Variants in TEK observed in about 807,000 individuals in gnomAD.
TEK encodes the protein TEK receptor tyrosine kinase, also known as angiopoietin-1 receptor.
A neutral mutation model predicts 131.8 loss-of-function variants in TEK; 43 were observed. The ratio of observed to expected loss-of-function variants is 0.33; its 90% CI spans 0.26 to 0.42. The LOEUF is 0.42. TEK is among the 10% of genes least tolerant of loss of function. The pLI is 1.00. For missense variants in TEK, 1,162 were observed against 1,384.4 expected (o/e 0.84, Z 2.55); for synonymous variants, 580 against 491.6 (o/e 1.18, Z -2.38).
chr9:27,117,854 C>T (rs911041173), intron 1 of TEK, among the ~76,000 whole-genome samples: 2 of 152,170 alleles, frequency 1.3e-5, no homozygotes, highest in African/African-American at 2.4e-5. Context: ...TCAGCTTTCC[C>T]GCTTTTGTTA....
chr9:27,182,873 T>A (rs1824441086), intron 7 of TEK, among the ~76,000 whole-genome samples: 1 of 152,216 alleles, frequency 6.6e-6, no homozygotes, highest in African/African-American at 2.4e-5. Context: ...GGATACTGAT[T>A]TGGGGAAGTT....
intron 12 of TEK, 69 bp from the exon 13 acceptor site, chr9:27,202,751 C>G: frequency 6.6e-7 from 1 of 1,525,768 alleles, no homozygotes; most frequent in Non-Finnish European, 9.1e-7. Context: ...TGAACTCTAT[C>G]TCAAAAGCAT....
At chr9:27,167,191 G>C (rs988845369) in intron 2 of TEK, among the ~76,000 whole-genome samples, 2 of 152,112 alleles carry the variant, frequency 1.3e-5, no homozygotes, top group Non-Finnish European at 1.5e-5. Flanking sequence ...TGGCAAGCTT[G>C]ACACAGTAAC....
intron 6 of TEK, among the ~76,000 whole-genome samples, chr9:27,178,360 T>C (rs148272237): frequency 3.3e-5 from 5 of 152,250 alleles, no homozygotes; most frequent in Non-Finnish European, 7.4e-5. Context: ...TTTATTACTA[T>C]AGCTTTGTAA....
At chr9:27,202,301 C>G (rs1380988611) in intron 12 of TEK, among the ~76,000 whole-genome samples, 1 of 152,174 alleles carries the variant, frequency 6.6e-6, no homozygotes. Context: ...CAAGGACTGA[C>G]CACATGACAC....
At chr9:27,154,433 G>T (rs75884841) in intron 1 of TEK, among the ~76,000 whole-genome samples, 2 of 151,994 alleles carry the variant, frequency 1.3e-5, no homozygotes, top group African/African-American at 4.8e-5. Flanking sequence ...TTTTTTTTAC[G>T]TTTAATTTTT....
At chr9:27,139,212 C>CAAATAAA (rs1822625577) in intron 1 of TEK, among the ~76,000 whole-genome samples, 1 of 57,402 alleles carries the variant, frequency 1.7e-5, no homozygotes, top group Non-Finnish European at 3.3e-5. Context: ...GACTCTGTCT[C>CAAATAAA]AAAAAAAAAA....
At chr9:27,196,742 A>AG (rs1444011499) in intron 11 of TEK, among the ~76,000 whole-genome samples, 10 of 124,906 alleles carry the variant, frequency 8.0e-5, no homozygotes, top group East Asian at 2.5e-4. Context: ...CAGAAGAGTG[A>AG]GGGGGGGCGG....
At chr9:27,225,599 T>G (rs114465853) in intron 21 of TEK, among the ~76,000 whole-genome samples, 679 of 152,164 alleles carry the variant, frequency 4.5e-3, no homozygotes, top group African/African-American at 0.015. Context: ...CGAGATGGAT[T>G]AAAGACAAAC....
At chr9:27,173,712 A>G (rs1320830402) in intron 6 of TEK, among the ~76,000 whole-genome samples, 1 of 146,376 alleles carries the variant, frequency 6.8e-6, no homozygotes, top group Non-Finnish European at 1.5e-5. Context: ...TAGGAAGACC[A>G]TAGAAGACTT....
rs138807761 is a variant in TEK at position 27,213,377 on chromosome 9, T to G, written c.2878-107T>G. ...AACTTTAAGGGAACTGGATTGTGACTGTTTAAAATCCTTTTTTATACTATT... is the reference window on the plus strand; with the variant it reads ...AACTTTAAGGGAACTGGATTGTGACGGTTTAAAATCCTTTTTTATACTATT... On this transcript the variant is annotated intron_variant, in intron 17 of 22. Coordinates refer to ENST00000380036, the MANE Select transcript of TEK (RefSeq NM_000459.5). 1.9e-3 allele frequency: 1,529 copies of G among 803,638 alleles called. 17 individuals are homozygous for G. The African/African-American group carries it at 0.022, about 12-fold the overall frequency. The allele number at this position is 803,638 out of a possible 1,614,324, so 49.8% of individuals were successfully genotyped here.
Position 27,180,333 on chromosome 9 carries a change from C to T in TEK, c.995C>T (p.Ser332Phe), listed in dbSNP as rs1824317472. The change falls in exon 7 of 23, where the codon TCT (serine) becomes TTT (phenylalanine). Residue 332 changes from serine to phenylalanine, a missense_variant. Ser to Phe is a radical substitution (Grantham distance 155). Coordinates refer to ENST00000380036, the MANE Select transcript of TEK (RefSeq NM_000459.5). The part of the protein sequence containing the change: ...MCDRFQGCLC[S>F]PGWQGLQCER... Reference sequence around the variant, plus strand: ...GATCGCTTCCAAGGATGTCTCTGCTCTCCAGGATGGCAGGGGCTCCAGTGT... The same window carrying T: ...GATCGCTTCCAAGGATGTCTCTGCTTTCCAGGATGGCAGGGGCTCCAGTGT... 2 of 1,613,702 alleles carry T rather than the reference C, an allele frequency of 1.2e-6. No homozygotes were observed. The highest frequency in any genetic ancestry group is 1.7e-5 in the Admixed American group (1 of 59,958).
intron 21 of TEK, among the ~76,000 whole-genome samples, chr9:27,222,472 A>T (rs1826124530): frequency 6.6e-6 from 1 of 152,222 alleles, no homozygotes; most frequent in South Asian, 2.1e-4. Flanking sequence ...GAGAAAGGTC[A>T]GGTTACCCAC....
intron 1 of TEK, among the ~76,000 whole-genome samples, chr9:27,148,924 T>G (rs992496500): frequency 3.9e-5 from 6 of 152,252 alleles, no homozygotes; most frequent in Middle Eastern, 3.2e-3. Context: ...AGGTTTTGGC[T>G]TTTTCTGTGA....
chr9:27,189,948 C>A (rs511586), intron 9 of TEK, among the ~76,000 whole-genome samples: 118,028 of 152,030 alleles, frequency 0.78, 46,161 homozygotes, highest in African/African-American at 0.83. Flanking sequence ...AGAGTAATAA[C>A]CCCTAAAAAT....
intron 12 of TEK, among the ~76,000 whole-genome samples, chr9:27,201,342 C>T (rs964032028): frequency 6.6e-6 from 1 of 152,126 alleles, no homozygotes; most frequent in Non-Finnish European, 1.5e-5. Flanking sequence ...CTTTTTGTGA[C>T]AGGCTTAGAA....
At chr9:27,168,863 G>C (rs549040335) in intron 3 of TEK, among the ~76,000 whole-genome samples, 7 of 152,196 alleles carry the variant, frequency 4.6e-5, no homozygotes. Flanking sequence ...CATAATGTGA[G>C]ATCCCAACTT....
chr9:27,218,898 C>A, intron 20 of TEK, 81 bp downstream of exon 20: 2 of 1,314,284 alleles, frequency 1.5e-6, no homozygotes, highest in South Asian at 1.2e-5. Context: ...CTGCATAATT[C>A]CACAGGATGC....
At chr9:27,137,849 G>A (rs1014855602) in intron 1 of TEK, among the ~76,000 whole-genome samples, 1 of 151,984 alleles carries the variant, frequency 6.6e-6, no homozygotes, top group South Asian at 2.1e-4. Context: ...TTTTGTGTCC[G>A]GAATTTATTC....
Sources: allele counts gnomAD v4.1 joint callset (sites outside exome capture counted in the v4.1 genomes callset), GRCh38; gene constraint gnomAD v4.1.1; transcripts MANE v1.5; gene names NCBI Gene and HGNC (gene_info 2026-07-23, HGNC 2026-07-21).